Variants in CAGE1 observed in about 807,000 individuals in gnomAD.
The protein encoded by CAGE1 is cancer antigen 1, also known as cancer-associated gene 1 protein.
A neutral mutation model predicts 94.9 loss-of-function variants in CAGE1; 66 were observed. That is an observed-to-expected ratio of 0.70 (90% CI 0.57 to 0.85). CAGE1 has a LOEUF of 0.85. Among genes scored for constraint, CAGE1 ranks in the 40% least tolerant of loss-of-function variants. The pLI is 0.00. For missense variants in CAGE1, 865 were observed against 950.4 expected (o/e 0.91, Z 1.18); for synonymous variants, 319 against 321.0 (o/e 0.99, Z 0.07).
rs192259536 is a variant in CAGE1 at position 7,376,564 on chromosome 6, C to A, written c.687+2053G>T. The stretch of plus-strand genomic sequence containing the variant: ...GGCACCATGGACCTAGCCTCCAGAA[C>A]CGTGAGCCAGATAAATTGTTATTCA... On this transcript the variant is annotated intron_variant, in intron 4 of 13. Transcript: ENST00000502583. Among the ~76,000 whole-genome samples the A allele has an allele frequency of 5.9e-5, 9 of 152,192 alleles. No individual in the cohort carries two copies. The East Asian group carries it at 1.7e-3, about 29-fold the overall frequency.
intron 4 of CAGE1, among the ~76,000 whole-genome samples, chr6:7,374,608 T>G (rs1760672471): frequency 6.6e-6 from 1 of 152,216 alleles, no homozygotes. Context: ...TCTTCTCTTT[T>G]GAATATTTTT....
rs1414326403 is a variant in CAGE1 at position 7,387,240 on chromosome 6, T to C, written c.-23-44A>G. The C allele has an allele frequency of 2.7e-6, 3 of 1,117,990 alleles. No individual in the cohort carries two copies. The Admixed American group carries it at 7.1e-5, about 27-fold the overall frequency. The allele number at this position is 1,117,990 out of a possible 1,614,324, so 69.3% of individuals were successfully genotyped here. Reference sequence around the variant, plus strand: ...TCTATTAGTAGGTATAAACAAAAAGTTTTTTCCCTATCCCTCTTCTCATTA... The same window carrying C: ...TCTATTAGTAGGTATAAACAAAAAGCTTTTTCCCTATCCCTCTTCTCATTA... On this transcript the variant is annotated intron_variant, in intron 1 of 13. Coordinates refer to ENST00000502583, the MANE Select transcript of CAGE1 (RefSeq NM_001170692.2).
At chr6:7,336,603 T>C (rs1428576054) in intron 11 of CAGE1, among the ~76,000 whole-genome samples, 1 of 152,180 alleles carries the variant, frequency 6.6e-6, no homozygotes, top group Non-Finnish European at 1.5e-5. Context: ...TCCGCCTCCC[T>C]GGTTCAAGTG....
chr6:7,344,035 G>A (rs1759303659), intron 11 of CAGE1, among the ~76,000 whole-genome samples: 1 of 152,228 alleles, frequency 6.6e-6, no homozygotes, highest in Non-Finnish European at 1.5e-5. Context: ...TTAGAAAGTG[G>A]TGAGAGGTGA....
intron 11 of CAGE1, among the ~76,000 whole-genome samples, chr6:7,343,816 T>G (rs9379091): frequency 0.091 from 13,912 of 152,150 alleles, 1,473 homozygotes; most frequent in African/African-American, 0.26. Flanking sequence ...GGAAATGAAC[T>G]GGAACATTTT....
chr6:7,334,040 T>A lies in CAGE1; in HGVS notation c.2420A>T (p.Glu807Val). Residue 807 changes from glutamate to valine, a missense_variant, in exon 12 of 14, where the codon GAA becomes GTA. Physicochemically the swap from Glu to Val is moderately radical, Grantham distance 121. Transcript: ENST00000502583. Reference sequence around the variant, plus strand: ...AACTTACCTTGGTTTTCTGGCTTTTTCTCTGGGCTTTCTAATTAAATCCTC... The same window carrying A: ...AACTTACCTTGGTTTTCTGGCTTTTACTCTGGGCTTTCTAATTAAATCCTC... ...HLEDLIRKPR[E>V]KARKPRSKSL... is the part of the protein sequence containing the mutation. 1 of 1,533,376 alleles carries A rather than the reference T, an allele frequency of 6.5e-7. No individual in the cohort carries two copies. Among genetic ancestry groups the A allele is most frequent in the Non-Finnish European group, 8.8e-7 (1 of 1,131,664 alleles). 95.0% of individuals were successfully genotyped at this position (1,533,376 alleles called of 1,614,324 possible). A position where few individuals can be genotyped will look rare whatever the true frequency, so the allele number is the denominator to read the frequency against.
In CAGE1 at chr6:7,373,308, TTCTG is replaced by T; in HGVS notation, c.1507_1510del (p.Gln503AsnfsTer2). On this transcript the variant is annotated frameshift_variant, in exon 5 of 14. Coordinates refer to ENST00000502583, the MANE Select transcript of CAGE1 (RefSeq NM_001170692.2). LOFTEE classifies it high-confidence loss of function. ...CAATTTCTCAAGTCTAGATTTCAGT[TTCTG>T]TCTTTCTTCCAGGTTTTCCTTTTCA... is the stretch of plus-strand genomic sequence containing the variant. 1.2e-6 allele frequency: 2 copies of T among 1,607,506 alleles called. No homozygotes were observed. The highest frequency in any genetic ancestry group is 2.7e-5 in the African/African-American group (2 of 74,768).
At chr6:7,341,629 G>C (rs1759180343) in intron 11 of CAGE1, 2 of 762,786 alleles carry the variant, frequency 2.6e-6, no homozygotes, top group Non-Finnish European at 4.8e-6. Flanking sequence ...ATGGGTGTTT[G>C]CAACAGTGAT....
At chr6:7,388,307 T>C (rs2113485992) in intron 1 of CAGE1, among the ~76,000 whole-genome samples, 1 of 152,310 alleles carries the variant, frequency 6.6e-6, no homozygotes, top group East Asian at 1.9e-4. Context: ...CGAATTAAGC[T>C]TCAGTCATCT....
intron 12 of CAGE1, chr6:7,331,357 C>A: frequency 9.7e-7 from 1 of 1,028,186 alleles, no homozygotes; most frequent in South Asian, 1.6e-5. Flanking sequence ...AAGGCAAATC[C>A]CAGGACAGCA....
chr6:7,375,395 C>T (rs9392884), intron 4 of CAGE1, among the ~76,000 whole-genome samples: 51,037 of 151,524 alleles, frequency 0.34, 8,862 homozygotes, highest in East Asian at 0.44. Context: ...GGCGACAGAG[C>T]GAGACTCTGT....
At chr6:7,346,998 A>G (rs1759572691) in intron 11 of CAGE1, among the ~76,000 whole-genome samples, 1 of 152,238 alleles carries the variant, frequency 6.6e-6, no homozygotes, top group Non-Finnish European at 1.5e-5. Flanking sequence ...TGAAATATAC[A>G]TTAGGAAAAA....
At chr6:7,358,372 C>A (rs938054950) in intron 9 of CAGE1, among the ~76,000 whole-genome samples, 5 of 151,856 alleles carry the variant, frequency 3.3e-5, no homozygotes, top group African/African-American at 1.2e-4. Flanking sequence ...GTAGTTCATC[C>A]CTTTTTTATG....
At chr6:7,365,995 C>A in intron 7 of CAGE1, 111 bp from the exon 8 acceptor site, 9 of 641,202 alleles carry the variant, frequency 1.4e-5, no homozygotes, top group South Asian at 4.4e-5. Context: ...CCTATAATCC[C>A]AGCACTTTGG....
At chr6:7,344,545 C>T (rs1023469369) in intron 11 of CAGE1, among the ~76,000 whole-genome samples, 13 of 152,234 alleles carry the variant, frequency 8.5e-5, no homozygotes, top group African/African-American at 3.1e-4. Context: ...GGATGAGCGC[C>T]GCCCCCTGCT....
chr6:7,360,100 T>C (rs1760117548), intron 9 of CAGE1, among the ~76,000 whole-genome samples: 1 of 152,192 alleles, frequency 6.6e-6, no homozygotes, highest in African/African-American at 2.4e-5. Context: ...TATTCTTTAG[T>C]AGTCAAATCT....
Position 7,339,401 on chromosome 6 carries a change from C to A in CAGE1, c.2370-5311G>T. ...GCCGGCCCTTCTCACCAAGAACATT[C>A]TGTGTTCTGGTGGCTAAGACAATGA... On this transcript the variant is annotated intron_variant, in intron 11 of 13. Coordinates refer to ENST00000502583, the MANE Select transcript of CAGE1 (RefSeq NM_001170692.2). This position sits in a 1 kb window ranked among gnomAD's most constrained non-coding sequence, Gnocchi z 4.7. The A allele has an allele frequency of 1.3e-6, 2 of 1,586,734 alleles. No individual in the cohort carries two copies. The highest frequency in any genetic ancestry group is 2.2e-5 in the East Asian group (1 of 44,776).
rs956895533 is a variant in CAGE1 at position 7,341,467 on chromosome 6, G to A, written c.2370-7377C>T. 1.8e-5 allele frequency: 21 copies of A among 1,135,344 alleles called. 1 individual carries two copies. The Admixed American group carries it at 3.4e-4, about 19-fold the overall frequency. The allele number at this position is 1,135,344 out of a possible 1,614,324, so 70.3% of individuals were successfully genotyped here. On this transcript the variant is annotated intron_variant, in intron 11 of 13. Coordinates refer to ENST00000502583, the MANE Select transcript of CAGE1 (RefSeq NM_001170692.2). The stretch of plus-strand genomic sequence containing the variant: ...TGATCACATGTAGGTTATACCTCTT[G>A]GCAAATTCCAGGTATTCCATCGCGA...
At chr6:7,331,215 G>T (rs1758741898) in intron 12 of CAGE1, 2 of 363,360 alleles carry the variant, frequency 5.5e-6, no homozygotes, top group East Asian at 5.8e-5. Flanking sequence ...TATAGTTTTT[G>T]GGGTCACGGT....
Sources: gnomAD v4.1 joint callset for allele counts (sites outside exome capture counted in the v4.1 genomes callset) on GRCh38, gnomAD v4.1.1 for gene constraint, Gnocchi (gnomAD v3.1) non-coding constraint, MANE v1.5 for transcripts, NCBI Gene and HGNC (gene_info 2026-07-23, HGNC 2026-07-21) for gene names.